Variants in MAP3K2 observed in about 807,000 individuals in gnomAD.
MAP3K2 encodes MAP/ERK kinase kinase 2.
MAP3K2 carries 24 observed loss-of-function variants against 80.3 expected under a neutral mutation model. The observed-to-expected ratio is 0.30, with a 90% CI of 0.22 to 0.42. The LOEUF (loss-of-function observed/expected upper bound fraction) is 0.42. Ranked by LOEUF, MAP3K2 falls within the 10% of genes least tolerant of loss-of-function variation. MAP3K2 has a pLI of 1.00. For missense variants in MAP3K2, 608 were observed against 750.1 expected (o/e 0.81, Z 2.21); for synonymous variants, 244 against 253.7 (o/e 0.96, Z 0.36).
chr2:127,316,938 T>G (rs766322629), intron 14 of MAP3K2: 2 of 152,058 alleles, frequency 1.3e-5, no homozygotes, highest in African/African-American at 2.4e-5. Flanking sequence ...ACGGCCCCTG[T>G]GCAAGGATGA....
intron 1 of MAP3K2, among the ~76,000 whole-genome samples, chr2:127,368,673 A>C (rs190171867): frequency 6.6e-6 from 1 of 152,286 alleles, no homozygotes; most frequent in East Asian, 1.9e-4. Flanking sequence ...TTTACATATA[A>C]ACTATGCATA....
In MAP3K2 at chr2:127,366,401, C is replaced by A. The variant is rs551766189; in HGVS notation, c.-66+21051G>T. Among the ~76,000 whole-genome samples, 229 of 140,246 alleles carry A rather than the reference C, an allele frequency of 1.6e-3. 1 individual carries two copies. The highest frequency in any genetic ancestry group is 4.9e-3 in the African/African-American group (192 of 39,038). 92.0% of individuals were successfully genotyped at this position (140,246 alleles called of 152,430 possible). A position where few individuals can be genotyped will look rare whatever the true frequency, so the allele number is the denominator to read the frequency against. ...TATCTCTGGAAAAAAAAAAAAAAAACCCAACAAAACAAAACAAAAAGAATA... is the reference window on the plus strand; with the variant it reads ...TATCTCTGGAAAAAAAAAAAAAAAAACCAACAAAACAAAACAAAAAGAATA... On this transcript the variant is annotated intron_variant, in intron 1 of 16. Transcript: ENST00000682094.
At chr2:127,313,320 A>G (rs1002891531) in intron 15 of MAP3K2, among the ~76,000 whole-genome samples, 2 of 152,176 alleles carry the variant, frequency 1.3e-5, no homozygotes, top group East Asian at 1.9e-4. Context: ...TAACTTCTCT[A>G]TGAGGTTCTT....
intron 1 of MAP3K2, among the ~76,000 whole-genome samples, chr2:127,385,518 T>C (rs1687328281): frequency 6.6e-6 from 1 of 152,260 alleles, no homozygotes; most frequent in South Asian, 2.1e-4. Context: ...TTTTCCTTTA[T>C]TGCAGTGGTC....
At chr2:127,340,813 C>T (rs1452063397) in intron 2 of MAP3K2, among the ~76,000 whole-genome samples, 1 of 152,068 alleles carries the variant, frequency 6.6e-6, no homozygotes, top group African/African-American at 2.4e-5. Context: ...CCACCTTGGC[C>T]TCCCAAAGTG....
chr2:127,362,332 G>A (rs570053291), intron 1 of MAP3K2, among the ~76,000 whole-genome samples: 9 of 152,268 alleles, frequency 5.9e-5, no homozygotes, highest in African/African-American at 1.7e-4. Flanking sequence ...GAAGTTAAAC[G>A]TTTAAGTTAA....
chr2:127,308,461 C>T lies in MAP3K2; in HGVS notation c.1634+124G>A, dbSNP rs901438632. The T allele has an allele frequency of 2.8e-5, 23 of 816,362 alleles. No homozygotes were observed. In the East Asian group the frequency reaches 3.0e-4, roughly 11 times the overall value. 50.6% of individuals were successfully genotyped at this position (816,362 alleles called of 1,614,324 possible). ...GCACAATTAATATAGTGTTAATCTT[C>T]GCAATTCTTACGTCCTATTTTGGAA... On this transcript the variant is annotated intron_variant, in intron 16 of 16. Transcript: ENST00000682094.
chr2:127,387,423 A>ACAC (rs1553520024), intron 1 of MAP3K2, 29 bp downstream of exon 1: 8 of 456,838 alleles, frequency 1.8e-5, no homozygotes, highest in African/African-American at 1.2e-4. Context: ...CACACACACA[A>ACAC]GCGCGCGCGC....
chr2:127,371,123 A>C (rs746939068), intron 1 of MAP3K2, among the ~76,000 whole-genome samples: 2 of 152,238 alleles, frequency 1.3e-5, no homozygotes, highest in Non-Finnish European at 2.9e-5. Context: ...CCATTTCCTT[A>C]CGAAAGGAAT....
At position 127,387,423 on chromosome 2, in the gene MAP3K2, A is replaced by ACACAC. The variant is rs1553520024; in HGVS notation, c.-66+28_-66+29insGTGTG. 127 of 456,866 alleles carry ACACAC rather than the reference A, an allele frequency of 2.8e-4. No homozygotes were observed. In the African/African-American group the frequency reaches 6.5e-3, roughly 23 times the overall value. The allele number at this position is 456,866 out of a possible 1,614,324, so 28.3% of individuals were successfully genotyped here. On this transcript the variant is annotated intron_variant, in intron 1 of 16. Transcript: ENST00000682094. ...GCACACACACACACACACACACACA[A>ACACAC]GCGCGCGCGCACGCACACACGCACG...
In MAP3K2 at chr2:127,304,487, G is replaced by C. The variant is rs1371047981; in HGVS notation, c.*3092C>G. The C allele has an allele frequency of 1.3e-5, 2 of 152,162 alleles. No individual in the cohort carries two copies. Among genetic ancestry groups the C allele is most frequent in the African/African-American group, 4.8e-5 (2 of 41,426 alleles). The allele number at this position is 152,162 out of a possible 1,614,324, so 9.4% of individuals were successfully genotyped here. ...GAAAAGCACATATAAGACTGCTAGT[G>C]AATCTTCTCCAGCACCAAAAAGTCT... On this transcript the variant is annotated 3_prime_UTR_variant, in exon 17 of 17. Transcript: ENST00000682094.
chr2:127,309,053 G>C (rs1685760428), intron 15 of MAP3K2, among the ~76,000 whole-genome samples: 1 of 152,122 alleles, frequency 6.6e-6, no homozygotes, highest in Non-Finnish European at 1.5e-5. Flanking sequence ...GGAGGAGAAA[G>C]GGGAAAAGGG....
At chr2:127,345,570 T>C (rs1251491665) in intron 1 of MAP3K2, among the ~76,000 whole-genome samples, 1 of 152,200 alleles carries the variant, frequency 6.6e-6, no homozygotes, top group East Asian at 1.9e-4. Context: ...AACAGCAGAA[T>C]ATACACTCTT....
intron 1 of MAP3K2, among the ~76,000 whole-genome samples, chr2:127,365,547 T>G (rs1034818456): frequency 9.9e-5 from 15 of 152,228 alleles, no homozygotes; most frequent in African/African-American, 3.6e-4. Context: ...AGCTCTCCTC[T>G]GCTCTGTATA....
chr2:127,358,761 G>A (rs764232407), intron 1 of MAP3K2, among the ~76,000 whole-genome samples: 15 of 151,914 alleles, frequency 9.9e-5, no homozygotes, highest in Non-Finnish European at 1.0e-4. Flanking sequence ...GGCAAAACCC[G>A]TCTCTACTAA....
intron 7 of MAP3K2, among the ~76,000 whole-genome samples, chr2:127,329,263 A>G (rs906026136): frequency 4.7e-4 from 71 of 152,290 alleles, no homozygotes; most frequent in African/African-American, 1.6e-3. Flanking sequence ...GGCAATCACT[A>G]AAACCCTAGA....
rs1334323167 is a variant in MAP3K2, at chr2:127,322,899, A to G, written c.839-647T>C. 2.0e-5 allele frequency among the ~76,000 whole-genome samples: 3 copies of G among 150,588 alleles called. No homozygotes were observed. The highest frequency in any genetic ancestry group is 4.4e-5 in the Non-Finnish European group (3 of 67,638). On this transcript the variant is annotated intron_variant, in intron 11 of 16. Transcript: ENST00000682094. The surrounding 1 kb of genome is among the most constrained non-coding windows in gnomAD (Gnocchi z 4.2). ...CATGAGCCACCGCACCTGGCCAGTA[A>G]TTTTTTTTCTTAAAGGGATGATGTA... is the stretch of plus-strand genomic sequence containing the variant.
chr2:127,341,246 C>T (rs1193012439), intron 2 of MAP3K2, among the ~76,000 whole-genome samples: 1 of 151,956 alleles, frequency 6.6e-6, no homozygotes, highest in Non-Finnish European at 1.5e-5. Flanking sequence ...GCCTCGACCT[C>T]CCAAAGTGCT....
intron 15 of MAP3K2, among the ~76,000 whole-genome samples, chr2:127,314,508 G>A (rs1685863984): frequency 6.6e-6 from 1 of 152,152 alleles, no homozygotes; most frequent in South Asian, 2.1e-4. Flanking sequence ...ATGAAAACAT[G>A]ATCTCACTTG....
Sources: gnomAD v4.1 joint callset for allele counts (sites outside exome capture counted in the v4.1 genomes callset) on GRCh38, gnomAD v4.1.1 for gene constraint, Gnocchi (gnomAD v3.1) non-coding constraint, MANE v1.5 for transcripts, NCBI Gene and HGNC (gene_info 2026-07-23, HGNC 2026-07-21) for gene names.